The following CRIM1 variants were observed in gnomAD, a reference collection of about 807,000 sequenced individuals.
CRIM1 encodes the protein cysteine-rich motor neuron 1 protein.
Under a neutral mutation model 116.4 loss-of-function variants are expected in CRIM1, and 32 were observed. That is an observed-to-expected ratio of 0.27 (90% CI 0.21 to 0.37). The LOEUF is 0.37. CRIM1 is among the 10% of genes least tolerant of loss of function. The pLI, the probability that CRIM1 is intolerant of heterozygous loss-of-function variation, is 1.00. For missense variants in CRIM1, 1,331 were observed against 1,354.8 expected (o/e 0.98, Z 0.28); for synonymous variants, 590 against 509.2 (o/e 1.16, Z -2.13).
chr2:36,512,462 C>T, intron 10 of CRIM1, 68 bp downstream of exon 10: 2 of 1,523,894 alleles, frequency 1.3e-6, no homozygotes, highest in Non-Finnish European at 1.8e-6. Context: ...AACATAAGGA[C>T]ACCCTGTAAT....
At chr2:36,383,096 A>G (rs1670907286) in intron 1 of CRIM1, among the ~76,000 whole-genome samples, 1 of 152,218 alleles carries the variant, frequency 6.6e-6, no homozygotes, top group East Asian at 1.9e-4. Flanking sequence ...AAATAGAATA[A>G]TATGACAGAA....
At chr2:36,545,017 C>T (rs1416398555) in intron 15 of CRIM1, among the ~76,000 whole-genome samples, 2 of 152,182 alleles carry the variant, frequency 1.3e-5, no homozygotes, top group African/African-American at 2.4e-5. Context: ...TCTATCCTTT[C>T]AGTCTGTGCG....
At chr2:36,503,925 C>T (rs1681193981) in intron 8 of CRIM1, among the ~76,000 whole-genome samples, 1 of 151,954 alleles carries the variant, frequency 6.6e-6, no homozygotes, top group African/African-American at 2.4e-5. Context: ...GATTGGAATT[C>T]AGTGGTGCAA....
intron 2 of CRIM1, among the ~76,000 whole-genome samples, chr2:36,409,522 G>A (rs936379057): frequency 2.0e-5 from 3 of 152,202 alleles, no homozygotes; most frequent in African/African-American, 4.8e-5. Flanking sequence ...ATTGCATAGG[G>A]GCATTTGAGA....
intron 13 of CRIM1, among the ~76,000 whole-genome samples, chr2:36,522,645 TAC>T (rs879645328): frequency 3.3e-5 from 5 of 151,620 alleles, no homozygotes; most frequent in African/African-American, 4.8e-5. Context: ...CTACCAAAAA[TAC>T]AGAAATTAGC....
intron 7 of CRIM1, among the ~76,000 whole-genome samples, chr2:36,493,039 C>G (rs1039888109): frequency 3.3e-5 from 5 of 152,058 alleles, no homozygotes; most frequent in Admixed American, 6.5e-5. Flanking sequence ...ATAAGAGAAA[C>G]GAGAGACAGA....
At chr2:36,499,966 T>G (rs996841240) in intron 8 of CRIM1, among the ~76,000 whole-genome samples, 1 of 152,214 alleles carries the variant, frequency 6.6e-6, no homozygotes, top group African/African-American at 2.4e-5. Context: ...AGAACTTTGT[T>G]GATCTTTACC....
chr2:36,390,661 G>C (rs1395199144), intron 1 of CRIM1, among the ~76,000 whole-genome samples: 1 of 151,958 alleles, frequency 6.6e-6, no homozygotes, highest in Non-Finnish European at 1.5e-5. Context: ...AGTTTCCCCA[G>C]ATAGTTTAAT....
At chr2:36,454,745 C>T (rs957537026) in intron 4 of CRIM1, among the ~76,000 whole-genome samples, 11 of 152,236 alleles carry the variant, frequency 7.2e-5, no homozygotes, top group African/African-American at 9.6e-5. Context: ...GGAAGGTATG[C>T]CCTCATTGAG....
chr2:36,374,827 C>G (rs1449171519), intron 1 of CRIM1, among the ~76,000 whole-genome samples: 1 of 151,028 alleles, frequency 6.6e-6, no homozygotes, highest in Non-Finnish European at 1.5e-5. Flanking sequence ...CATCTGATCC[C>G]TAGGCTCATG....
intron 4 of CRIM1, among the ~76,000 whole-genome samples, chr2:36,459,753 G>A (rs185232811): frequency 6.5e-4 from 99 of 152,252 alleles, no homozygotes; most frequent in African/African-American, 2.2e-3. Context: ...GAGTGATAAG[G>A]GGTGGTGGCA....
intron 12 of CRIM1, among the ~76,000 whole-genome samples, chr2:36,520,665 AG>A (rs1665327457): frequency 6.6e-6 from 1 of 152,098 alleles, no homozygotes; most frequent in Admixed American, 6.5e-5. Flanking sequence ...TTTAAAGGAG[AG>A]GGTATGGGCC....
chr2:36,493,895 T>G lies in CRIM1; in HGVS notation c.1373-5324T>G, dbSNP rs1347551157. On this transcript the variant is annotated intron_variant, in intron 7 of 16. Transcript: ENST00000280527. Reference sequence around the variant, plus strand: ...AAAAATAACTGAGGATCAAAGTATGTTCATTTTTATTGTTCTCCCAGAGTT... The same window carrying G: ...AAAAATAACTGAGGATCAAAGTATGGTCATTTTTATTGTTCTCCCAGAGTT... Among the ~76,000 whole-genome samples the G allele has an allele frequency of 2.6e-5, 4 of 152,338 alleles. No individual in the cohort carries two copies. In the East Asian group the frequency reaches 7.7e-4, roughly 29 times the overall value.
intron 4 of CRIM1, among the ~76,000 whole-genome samples, chr2:36,443,536 T>C (rs576506258): frequency 1.3e-5 from 2 of 152,340 alleles, no homozygotes; most frequent in South Asian, 2.1e-4. Flanking sequence ...CTAAGTCATT[T>C]CATGTTTTTC....
chr2:36,359,588 A>T (rs1183273443), intron 1 of CRIM1, among the ~76,000 whole-genome samples: 1 of 152,240 alleles, frequency 6.6e-6, no homozygotes, highest in East Asian at 1.9e-4. Flanking sequence ...TCCTATCCAT[A>T]GAAAGAATGC....
chr2:36,380,706 G>C (rs1670680297), intron 1 of CRIM1, among the ~76,000 whole-genome samples: 1 of 152,138 alleles, frequency 6.6e-6, no homozygotes, highest in African/African-American at 2.4e-5. Context: ...GAATGAAAGT[G>C]GTATTTCTGT....
chr2:36,419,966 T>C (rs1345084507), intron 2 of CRIM1, among the ~76,000 whole-genome samples: 3 of 152,174 alleles, frequency 2.0e-5, no homozygotes, highest in East Asian at 3.8e-4. Flanking sequence ...CTGTTGATCT[T>C]GTGACTTTAA....
rs1455321427 is a variant in CRIM1 at position 36,396,667 on chromosome 2, C to T, written c.385C>T (p.Leu129Phe). ...LLGFKPCNEN[L>F]IAGCNIINGK... ...TGGTTTTAAACCATGCAATGAAAAC[C>T]TTATTGCTGGCTGCAATATAATCAA... is the stretch of plus-strand genomic sequence containing the variant. Residue 129 changes from leucine (L) to phenylalanine (F), a missense_variant, in exon 2 of 17, where the codon CTT becomes TTT. Leu to Phe is a conservative substitution (Grantham distance 22). Coordinates refer to ENST00000280527, the MANE Select transcript of CRIM1 (RefSeq NM_016441.3). 8.7e-6 allele frequency: 14 copies of T among 1,612,912 alleles called. No individual in the cohort carries two copies. Among genetic ancestry groups the T allele is most frequent in the Non-Finnish European group, 1.2e-5 (14 of 1,179,092 alleles).
chr2:36,417,703 A>G (rs1416063953), intron 2 of CRIM1, among the ~76,000 whole-genome samples: 2 of 152,240 alleles, frequency 1.3e-5, no homozygotes, highest in Non-Finnish European at 2.9e-5. Flanking sequence ...TGCAGTGAGC[A>G]TTTGAGTGAT....
Sources: allele counts gnomAD v4.1 joint callset (sites outside exome capture counted in the v4.1 genomes callset), GRCh38; gene constraint gnomAD v4.1.1; transcripts MANE v1.5; gene names NCBI Gene and HGNC (gene_info 2026-07-23, HGNC 2026-07-21).